The following SLC25A46 variants were observed in gnomAD, a reference collection of about 807,000 sequenced individuals.
The protein encoded by SLC25A46 is mitochondrial outer membrane protein SLC25A46.
A neutral mutation model predicts 44.6 loss-of-function variants in SLC25A46; 39 were observed. The ratio of observed to expected loss-of-function variants is 0.87; its 90% CI spans 0.68 to 1.14. SLC25A46 has a LOEUF of 1.14. Ranked by LOEUF, SLC25A46 falls within the 50% of genes most tolerant of loss-of-function variation. The pLI is 0.00. For missense variants in SLC25A46, 547 were observed against 522.7 expected (o/e 1.05, Z -0.45); for synonymous variants, 202 against 185.8 (o/e 1.09, Z -0.71).
At position 110,761,315 on chromosome 5, in the gene SLC25A46, T is replaced by A; in HGVS notation, c.790T>A (p.Leu264Met). ...HSKRLLPLLS[L>M]IFPTVLHGVL... ...CAAACGACTTCTTCCGCTTCTTTCC[T>A]TGATCTTCCCTACGGTGCTTCATGG... Residue 264 changes from leucine to methionine, a missense_variant, in exon 8 of 8, where the codon TTG becomes ATG. Leu to Met is a conservative substitution (Grantham distance 15). Coordinates refer to ENST00000355943, the MANE Select transcript of SLC25A46 (RefSeq NM_138773.4). This position sits in a 1 kb window ranked among gnomAD's most constrained non-coding sequence, Gnocchi z 5.3. 1 of 1,613,840 alleles carries A rather than the reference T, an allele frequency of 6.2e-7. No individual in the cohort carries two copies. Among genetic ancestry groups the A allele is most frequent in the Admixed American group, 1.7e-5 (1 of 59,970 alleles).
At chr5:110,759,446 T>C (rs1383389756) in intron 7 of SLC25A46, among the ~76,000 whole-genome samples, 1 of 152,140 alleles carries the variant, frequency 6.6e-6, no homozygotes, top group South Asian at 2.1e-4. Context: ...AGGATGCCGA[T>C]GTGGCTGGTG....
In SLC25A46 at chr5:110,763,197, C is replaced by CCATT. The variant is rs1182953713; in HGVS notation, c.*1416_*1419dup. On this transcript the variant is annotated 3_prime_UTR_variant, in exon 8 of 8. Transcript: ENST00000355943. Reference sequence around the variant, plus strand: ...TGAATAATCACAGTTGTATCATGAACCATTTAGCGCTCTGAAGCACAGTGA... The same window carrying CCATT: ...TGAATAATCACAGTTGTATCATGAACCATTCATTTAGCGCTCTGAAGCACAGTGA... The CCATT allele has an allele frequency of 6.6e-6, 1 of 151,864 alleles. No individual in the cohort carries two copies. The highest frequency in any genetic ancestry group is 1.5e-5 in the Non-Finnish European group (1 of 67,892). 9.4% of individuals were successfully genotyped at this position (151,864 alleles called of 1,614,324 possible).
At chr5:110,746,678 A>G (rs1032213815) in intron 4 of SLC25A46, among the ~76,000 whole-genome samples, 1 of 152,220 alleles carries the variant, frequency 6.6e-6, no homozygotes, top group African/African-American at 2.4e-5. Flanking sequence ...GTCAGAATAC[A>G]AAAGAGAAGT....
chr5:110,752,466 G>GT (rs757133670), intron 5 of SLC25A46, among the ~76,000 whole-genome samples: 4 of 152,080 alleles, frequency 2.6e-5, no homozygotes, highest in Non-Finnish European at 4.4e-5. Flanking sequence ...GGCTACCTGT[G>GT]TGGTTCAGTC....
chr5:110,758,122 GCTTTTCTAGAACTCTTTTTT>G (rs1326689799), intron 7 of SLC25A46, among the ~76,000 whole-genome samples: 1 of 151,838 alleles, frequency 6.6e-6, no homozygotes, highest in East Asian at 1.9e-4. Context: ...TCTTTTGTCT[GCTTTTCTAGAACTCTTTTTT>G]CTTTAGATTT....
At position 110,761,662 on chromosome 5, in the gene SLC25A46, G is replaced by A. The variant is rs79149180; in HGVS notation, c.1137G>A (p.Glu379=). The A allele has an allele frequency of 2.5e-6, 4 of 1,613,376 alleles. No individual in the cohort carries two copies. The African/African-American group carries it at 4.0e-5, about 16-fold the overall frequency. Residue 379 remains glutamate, a synonymous_variant, in exon 8 of 8, where the codon GAG becomes GAA. Coordinates refer to ENST00000355943, the MANE Select transcript of SLC25A46 (RefSeq NM_138773.4). The surrounding 1 kb of genome is among the most constrained non-coding windows in gnomAD (Gnocchi z 5.3). ...ACTGTATCAATACCATAAGGCAGGA[G>A]GAAGGAGTGTTTGGTTTTTATAAAG... ...MRDCINTIRQ[E]EGVFGFYKGF...
At chr5:110,758,395 A>G (rs1327948189) in intron 7 of SLC25A46, among the ~76,000 whole-genome samples, 4 of 152,158 alleles carry the variant, frequency 2.6e-5, no homozygotes, top group Non-Finnish European at 4.4e-5. Flanking sequence ...TTGGCAATAT[A>G]TTAGTGATAC....
intron 2 of SLC25A46, among the ~76,000 whole-genome samples, 185 bp from the exon 3 acceptor site, chr5:110,743,545 C>T (rs534128823): frequency 2.6e-5 from 4 of 151,974 alleles, no homozygotes; most frequent in East Asian, 1.9e-4. Flanking sequence ...TATTGAATTT[C>T]GTTATGGGTA....
rs956569752 is a variant in SLC25A46 at position 110,764,534 on chromosome 5, T to C, written c.*2752T>C. The stretch of plus-strand genomic sequence containing the variant: ...ACTGGAAAGGTAAGAACTTGCTTAC[T>C]ATTGCAGATATACCTGACCACTCAC... On this transcript the variant is annotated 3_prime_UTR_variant, in exon 8 of 8. Transcript: ENST00000355943. The C allele has an allele frequency of 6.6e-6, 1 of 151,956 alleles. No individual in the cohort carries two copies. Among genetic ancestry groups the C allele is most frequent in the African/African-American group, 2.4e-5 (1 of 41,428 alleles). 9.4% of individuals were successfully genotyped at this position (151,956 alleles called of 1,614,324 possible).
At chr5:110,738,269 T>C (rs1049431395), upstream of SLC25A46, 1 of 1,280,964 alleles carries the variant, frequency 7.8e-7, no homozygotes, top group Middle Eastern at 2.4e-4. Context: ...CGCTCTACAG[T>C]AGTCCTCTCA....
intron 7 of SLC25A46, among the ~76,000 whole-genome samples, chr5:110,758,689 G>T (rs1800173085): frequency 6.6e-6 from 1 of 152,000 alleles, no homozygotes. Flanking sequence ...GGCTGAGATG[G>T]AAGAATCGCT....
chr5:110,761,011 C>T lies in SLC25A46; in HGVS notation c.679-193C>T, dbSNP rs1242120840. Among the ~76,000 whole-genome samples the T allele has an allele frequency of 6.6e-6, 1 of 152,028 alleles. No homozygotes were observed. Among genetic ancestry groups the T allele is most frequent in the African/African-American group, 2.4e-5 (1 of 41,390 alleles). The stretch of plus-strand genomic sequence containing the variant: ...CCCCAATAAGATTAGCTCCCAACTT[C>T]ACTGCTAGCAATTTTATGAGATTTC... On this transcript the variant is annotated intron_variant, in intron 7 of 7. Coordinates refer to ENST00000355943, the MANE Select transcript of SLC25A46 (RefSeq NM_138773.4). This position sits in a 1 kb window ranked among gnomAD's most constrained non-coding sequence, Gnocchi z 5.3.
At position 110,761,111 on chromosome 5, in the gene SLC25A46, T is replaced by G. The variant is rs553258130; in HGVS notation, c.679-93T>G. ...TGGATGTTTCCCTCTTCAGTCACTA[T>G]GTTAGGATTTAAAAGGAACCTAAAA... On this transcript the variant is annotated intron_variant, in intron 7 of 7. Transcript: ENST00000355943. The surrounding 1 kb of genome is among the most constrained non-coding windows in gnomAD (Gnocchi z 5.3). The G allele has an allele frequency of 2.2e-6, 2 of 904,092 alleles. No homozygotes were observed. The highest frequency in any genetic ancestry group is 3.4e-6 in the Non-Finnish European group (2 of 583,714). The allele number at this position is 904,092 out of a possible 1,614,324, so 56.0% of individuals were successfully genotyped here.
chr5:110,763,723 T>G lies in SLC25A46; in HGVS notation c.*1941T>G, dbSNP rs939210407. On this transcript the variant is annotated 3_prime_UTR_variant, in exon 8 of 8. Transcript: ENST00000355943. ...GTTAGCATGAAAATAGTTAGTTACA[T>G]AAATTCATTTTATTGTAGAATAATT... 6.6e-6 allele frequency: 1 copy of G among 151,900 alleles called. No homozygotes were observed. The highest frequency in any genetic ancestry group is 1.9e-4 in the East Asian group (1 of 5,178). The allele number at this position is 151,900 out of a possible 1,614,324, so 9.4% of individuals were successfully genotyped here.
At position 110,750,694 on chromosome 5, in the gene SLC25A46, C is replaced by T. The variant is rs75352963; in HGVS notation, c.563+2431C>T. Among the ~76,000 whole-genome samples, 397 of 152,234 alleles carry T rather than the reference C, an allele frequency of 2.6e-3. 2 individuals carry two copies. Among genetic ancestry groups the T allele is most frequent in the African/African-American group, 8.8e-3 (365 of 41,544 alleles). The stretch of plus-strand genomic sequence containing the variant: ...AAAAAAACTCTGTACACATTCAGTA[C>T]AGATGCAACTATCCCTTTTTTAAAT... On this transcript the variant is annotated intron_variant, in intron 5 of 7. Coordinates refer to ENST00000355943, the MANE Select transcript of SLC25A46 (RefSeq NM_138773.4).
At position 110,743,772 on chromosome 5, in the gene SLC25A46, A is replaced by G; in HGVS notation, c.369A>G (p.Leu123=). Residue 123 remains leucine (L), a synonymous_variant, in exon 3 of 8, where the codon CTA becomes CTG. Coordinates refer to ENST00000355943, the MANE Select transcript of SLC25A46 (RefSeq NM_138773.4). ...TATTGGCACATCCTTGCATTGTTCT[A>G]CGCCGCCAATGTCAGGTAAATGTAA... ...ENVLAHPCIV[L]RRQCQVNYHA... The G allele has an allele frequency of 6.2e-7, 1 of 1,606,238 alleles. No individual in the cohort carries two copies. The highest frequency in any genetic ancestry group is 2.2e-5 in the East Asian group (1 of 44,550).
intron 7 of SLC25A46, among the ~76,000 whole-genome samples, chr5:110,759,605 AG>A (rs10709419): frequency 0.86 from 130,588 of 152,100 alleles, 56,266 homozygotes; most frequent in South Asian, 0.92. Flanking sequence ...TAAGTAAGCA[AG>A]GGGGGAATAC....
chr5:110,744,916 A>T (rs1311967352), intron 3 of SLC25A46, among the ~76,000 whole-genome samples: 1 of 152,214 alleles, frequency 6.6e-6, no homozygotes, highest in Admixed American at 6.5e-5. Flanking sequence ...TGTGTACTCA[A>T]AGGTCAAGGA....
At chr5:110,741,514 C>A (rs1236788637) in intron 1 of SLC25A46, among the ~76,000 whole-genome samples, 1 of 152,170 alleles carries the variant, frequency 6.6e-6, no homozygotes, top group East Asian at 1.9e-4. Flanking sequence ...CCGTCAGTAA[C>A]AGTGAATAAC....
Sources: allele counts gnomAD v4.1 joint callset (sites outside exome capture counted in the v4.1 genomes callset), GRCh38; gene constraint gnomAD v4.1.1; non-coding constraint Gnocchi (gnomAD v3.1); transcripts MANE v1.5; gene names NCBI Gene and HGNC (gene_info 2026-07-23, HGNC 2026-07-21).